Variants in BCAS3 observed in about 807,000 individuals in gnomAD.
BCAS3 encodes the protein BCAS3 microtubule associated cell migration factor.
In BCAS3, 53 loss-of-function variants were observed where a neutral mutation model predicts 116.1. The ratio of observed to expected loss-of-function variants is 0.46; its 90% CI spans 0.37 to 0.57. The LOEUF (loss-of-function observed/expected upper bound fraction) is 0.57. BCAS3 is among the 20% of genes least tolerant of loss of function. The probability of loss-of-function intolerance (pLI) is 0.00; values close to 1 mark genes in which losing one functional copy is unlikely to be tolerated. For missense variants in BCAS3, 917 were observed against 1,165.4 expected (o/e 0.79, Z 3.10); for synonymous variants, 391 against 408.2 (o/e 0.96, Z 0.51).
intron 19 of BCAS3, among the ~76,000 whole-genome samples, chr17:61,052,715 C>CT (rs60772345): frequency 0.025 from 3,070 of 124,940 alleles, 67 homozygotes; most frequent in East Asian, 0.063. Flanking sequence ...TTCTTTCTTT[C>CT]TTTTTTTTTT....
chr17:61,173,340 T>G (rs980338057), intron 22 of BCAS3, among the ~76,000 whole-genome samples: 1 of 151,624 alleles, frequency 6.6e-6, no homozygotes, highest in African/African-American at 2.4e-5. Flanking sequence ...TCCCAGCTGC[T>G]TGGGAGGCTG....
chr17:61,066,550 CTGAG>C (rs1361490734), intron 19 of BCAS3, among the ~76,000 whole-genome samples: 2 of 151,816 alleles, frequency 1.3e-5, no homozygotes, highest in Admixed American at 6.6e-5. Flanking sequence ...AATTTTTTTC[CTGAG>C]TATCTTAAAC....
At chr17:60,823,945 C>G (rs1360874266) in intron 7 of BCAS3, among the ~76,000 whole-genome samples, 1 of 151,974 alleles carries the variant, frequency 6.6e-6, no homozygotes, top group Non-Finnish European at 1.5e-5. Flanking sequence ...ATTGAATGTC[C>G]CCCTGGAAGT....
At chr17:60,957,064 A>G (rs2061170180) in intron 14 of BCAS3, among the ~76,000 whole-genome samples, 1 of 152,212 alleles carries the variant, frequency 6.6e-6, no homozygotes, top group Non-Finnish European at 1.5e-5. Flanking sequence ...CGTAAAGCAC[A>G]TATGCAGTAA....
rs2057554993 is a variant in BCAS3 at position 61,347,240 on chromosome 17, C to T, written c.2426-21087C>T. The stretch of plus-strand genomic sequence containing the variant: ...GGGATTACAGGCATGCACCACCACA[C>T]CCGGCTGATTTTTATATTTTTAGTA... On this transcript the variant is annotated intron_variant, in intron 22 of 23. Transcript: ENST00000407086. The surrounding 1 kb of genome is among the most constrained non-coding windows in gnomAD (Gnocchi z 4.3). 1.3e-5 allele frequency among the ~76,000 whole-genome samples: 2 copies of T among 152,104 alleles called. No individual in the cohort carries two copies. The highest frequency in any genetic ancestry group is 6.5e-5 in the Admixed American group (1 of 15,280).
At chr17:60,927,419 A>AT (rs1026172617) in intron 13 of BCAS3, among the ~76,000 whole-genome samples, 4 of 150,960 alleles carry the variant, frequency 2.6e-5, no homozygotes, top group African/African-American at 7.3e-5. Context: ...CGCCCAGCTA[A>AT]TTTTTTTTTG....
Position 60,949,899 on chromosome 17 carries a change from A to G in BCAS3, c.1221+2547A>G, listed in dbSNP as rs149925873. ...CCAACTCTAAAATATGGGAAGTTCTACATTACAAATATGACTTGATTTCTT... is the reference window on the plus strand; with the variant it reads ...CCAACTCTAAAATATGGGAAGTTCTGCATTACAAATATGACTTGATTTCTT... On this transcript the variant is annotated intron_variant, in intron 14 of 23. Transcript: ENST00000407086. Among the ~76,000 whole-genome samples the G allele has an allele frequency of 7.9e-3, 1,196 of 152,336 alleles. 17 individuals are homozygous for G. Among genetic ancestry groups the G allele is most frequent in the African/African-American group, 0.027 (1,104 of 41,574 alleles).
rs1429163306 is a variant in BCAS3 at position 61,110,997 on chromosome 17, G to T, written c.2425+26433G>T. ...GCACACTGACACCTCACACAGCAGG[G>T]TATTCCAACAGACCTGCAGCTGAGG... On this transcript the variant is annotated intron_variant, in intron 22 of 23. Transcript: ENST00000407086. 9.9e-5 allele frequency among the ~76,000 whole-genome samples: 15 copies of T among 152,164 alleles called. No individual in the cohort carries two copies. The East Asian group carries it at 1.2e-3, about 12-fold the overall frequency.
At position 61,278,750 on chromosome 17, in the gene BCAS3, T is replaced by C. The variant is rs142623893; in HGVS notation, c.2426-89577T>C. Among the ~76,000 whole-genome samples the C allele has an allele frequency of 2.6e-4, 40 of 152,288 alleles. No homozygotes were observed. The highest frequency in any genetic ancestry group is 8.7e-4 in the African/African-American group (36 of 41,558). On this transcript the variant is annotated intron_variant, in intron 22 of 23. Transcript: ENST00000407086. This position sits in a 1 kb window ranked among gnomAD's most constrained non-coding sequence, Gnocchi z 5.8. ...ACCAGCCAGTATGGTTCCACTTATA[T>C]GACATGTCCAGAATAGGAAAATCTA... is the stretch of plus-strand genomic sequence containing the variant.
chr17:60,881,649 T>A (rs1307840729), intron 9 of BCAS3, among the ~76,000 whole-genome samples: 4 of 139,608 alleles, frequency 2.9e-5, no homozygotes, highest in South Asian at 2.3e-4. Flanking sequence ...GTCCATGTGA[T>A]CTCATTGTTC....
chr17:61,314,457 T>A (rs188475731), intron 22 of BCAS3, among the ~76,000 whole-genome samples: 15 of 152,270 alleles, frequency 9.9e-5, no homozygotes, highest in Admixed American at 9.2e-4. Flanking sequence ...TAAGAACATG[T>A]TGTGGGAGAA....
chr17:61,277,679 C>T (rs910970047), intron 22 of BCAS3, among the ~76,000 whole-genome samples: 11 of 152,030 alleles, frequency 7.2e-5, no homozygotes, highest in African/African-American at 2.7e-4. Flanking sequence ...TAAAAATGGG[C>T]AAAGGATCTG....
At chr17:60,920,397 C>T (rs930465409) in intron 12 of BCAS3, among the ~76,000 whole-genome samples, 2 of 152,112 alleles carry the variant, frequency 1.3e-5, no homozygotes, top group African/African-American at 4.8e-5. Context: ...CTTAAATCAA[C>T]AAGAACAAAT....
chr17:61,321,973 G>C (rs2055255993), intron 22 of BCAS3, among the ~76,000 whole-genome samples: 1 of 151,698 alleles, frequency 6.6e-6, no homozygotes, highest in Non-Finnish European at 1.5e-5. Context: ...CCCTCTTGTT[G>C]CCCAGGCTGG....
chr17:61,329,468 G>A (rs1221133450), intron 22 of BCAS3, among the ~76,000 whole-genome samples: 1 of 150,268 alleles, frequency 6.7e-6, no homozygotes, highest in Admixed American at 6.7e-5. Context: ...AGCCCCCCAA[G>A]TAACTGGGAC....
chr17:60,854,696 C>T (rs931302506), intron 7 of BCAS3, among the ~76,000 whole-genome samples: 1 of 152,120 alleles, frequency 6.6e-6, no homozygotes, highest in African/African-American at 2.4e-5. Context: ...CAGGAAACAA[C>T]AGGTGCTGGA....
intron 4 of BCAS3, among the ~76,000 whole-genome samples, chr17:60,690,887 T>TA (rs762632360): frequency 3.3e-4 from 50 of 152,156 alleles, no homozygotes; most frequent in Non-Finnish European, 6.2e-4. Flanking sequence ...GCCACTGCAT[T>TA]CCAGCCTGGG....
At chr17:61,072,347 C>A (rs1324884957) in intron 19 of BCAS3, among the ~76,000 whole-genome samples, 1 of 152,088 alleles carries the variant, frequency 6.6e-6, no homozygotes, top group African/African-American at 2.4e-5. Context: ...AATTCTACCT[C>A]CCACCTTCAT....
chr17:61,254,545 G>A (rs1450275916), intron 22 of BCAS3, among the ~76,000 whole-genome samples: 2 of 151,980 alleles, frequency 1.3e-5, no homozygotes, highest in Non-Finnish European at 2.9e-5. Flanking sequence ...TTGGGAGGCC[G>A]TGGCGGGCGG....
Sources: allele counts gnomAD v4.1 joint callset (sites outside exome capture counted in the v4.1 genomes callset), GRCh38; gene constraint gnomAD v4.1.1; non-coding constraint Gnocchi (gnomAD v3.1); transcripts MANE v1.5; gene names NCBI Gene and HGNC (gene_info 2026-07-23, HGNC 2026-07-21).